Variants in APBB3 observed in about 807,000 individuals in gnomAD.
APBB3 encodes the protein amyloid beta precursor protein binding family B member 3.
APBB3 carries 50 observed loss-of-function variants against 61.5 expected under a neutral mutation model. The observed-to-expected ratio is 0.81, with a 90% confidence interval of 0.65 to 1.03. The LOEUF (loss-of-function observed/expected upper bound fraction) is 1.03, where lower values mean the gene tolerates loss of function less well. APBB3 is among the 50% of genes least tolerant of loss of function. The pLI, the probability that APBB3 is intolerant of heterozygous loss-of-function variation, is 0.00. For missense variants in APBB3, 550 were observed against 637.4 expected (o/e 0.86, Z 1.48); for synonymous variants, 235 against 233.0 (o/e 1.01, Z -0.08).
At chr5:140,562,784 C>A in intron 3 of APBB3, 61 bp from the exon 4 acceptor site, 1 of 1,547,450 alleles carries the variant, frequency 6.5e-7, no homozygotes, top group Non-Finnish European at 8.9e-7. Context: ...ACTGGTGAGG[C>A]CTAGACAACT....
In APBB3 at chr5:140,563,653, C is replaced by T; in HGVS notation, c.231G>A (p.Trp77Ter). 6.2e-7 allele frequency: 1 copy of T among 1,614,228 alleles called. No homozygotes were observed. Among genetic ancestry groups the T allele is most frequent in the South Asian group, 1.1e-5 (1 of 91,090 alleles). ...EDPGTGTEGI[W>*]GLRPPKGRSF... The stretch of plus-strand genomic sequence containing the variant: ...ATCTCCCTTTGGGGGGCCGCAGTCC[C>T]CAGATCCCCTCCGTTCCCTGTAGAG... The change falls in exon 3 of 13, where the codon TGG becomes TGA. Residue 77 changes from tryptophan (W) to a stop codon, truncating the protein, a stop_gained. Coordinates refer to ENST00000357560, the MANE Select transcript of APBB3 (RefSeq NM_133173.3). LOFTEE classifies it high-confidence loss of function.
At position 140,563,793 on chromosome 5, in the gene APBB3, G is replaced by C; in HGVS notation, c.172C>G (p.Arg58Gly). 1 of 1,614,154 alleles carries C rather than the reference G, an allele frequency of 6.2e-7. No homozygotes were observed. The highest frequency in any genetic ancestry group is 8.5e-7 in the Non-Finnish European group (1 of 1,180,032). ...GCATCTCCTAGTTCCCAGGTTGGGC[G>C]CTGCCACTGGGTGCTACCGCTGGGT... ...HVPSGSTQWQ[R>G]PTWELGDAED... The change falls in exon 2 of 13, where the codon CGC (arginine) becomes GGC (glycine). Residue 58 changes from arginine to glycine, a missense_variant. This residue lies in a region of APBB3 where 405 missense variants were observed against 483.4 expected (regional missense o/e 0.84). Coordinates refer to ENST00000357560, the MANE Select transcript of APBB3 (RefSeq NM_133173.3).
chr5:140,562,387 C>A lies in APBB3; in HGVS notation c.464G>T (p.Ser155Ile). 6.2e-7 allele frequency: 1 copy of A among 1,614,186 alleles called. No individual in the cohort carries two copies. Among genetic ancestry groups the A allele is most frequent in the Non-Finnish European group, 8.5e-7 (1 of 1,180,036 alleles). The part of the protein sequence containing the change: ...NCIQQLAQTR[S>I]RSQPPDGAWG... ...GGCACCATCTGGAGGCTGGCTCCGG[C>A]TGCGGGTCTGGGCCAGCTGCTGGAT... is the stretch of plus-strand genomic sequence containing the variant. Residue 155 changes from serine (S) to isoleucine (I), a missense_variant, in exon 5 of 13, where the codon AGC becomes ATC. Around this residue, in one of 3 missense-constraint regions of APBB3, gnomAD observed 405 missense variants for 483.4 expected, o/e 0.84. Coordinates refer to ENST00000357560, the MANE Select transcript of APBB3 (RefSeq NM_133173.3).
chr5:140,558,492 T>C lies in APBB3; in HGVS notation c.*93A>G. ...ATCGGAGGGACAGGCAGAGAAGGCTTCAAGGAGTGACAGGCTATAGGCCTT... is the reference window on the plus strand; with the variant it reads ...ATCGGAGGGACAGGCAGAGAAGGCTCCAAGGAGTGACAGGCTATAGGCCTT... On this transcript the variant is annotated 3_prime_UTR_variant, in exon 13 of 13. Transcript: ENST00000357560. 1.6e-6 allele frequency: 2 copies of C among 1,233,460 alleles called. No individual in the cohort carries two copies. The highest frequency in any genetic ancestry group is 2.4e-6 in the Non-Finnish European group (2 of 835,252). 76.4% of individuals were successfully genotyped at this position (1,233,460 alleles called of 1,614,324 possible).
At chr5:140,558,868 A>G (rs754321148) in intron 12 of APBB3, 47 bp from the exon 13 acceptor site, 11 of 1,555,604 alleles carry the variant, frequency 7.1e-6, no homozygotes, top group African/African-American at 1.4e-5. Context: ...CTGCCTCTAG[A>G]CTCCCTGAAA....
Position 140,558,445 on chromosome 5 carries a change from A to G in APBB3, c.*140T>C, listed in dbSNP as rs1754791203. ...CATCCGTATAAACAATAAATTGGGC[A>G]ATAAATAGACGGTGGACAAGGATCG... is the stretch of plus-strand genomic sequence containing the variant. On this transcript the variant is annotated 3_prime_UTR_variant, in exon 13 of 13. Coordinates refer to ENST00000357560, the MANE Select transcript of APBB3 (RefSeq NM_133173.3). The G allele has an allele frequency of 4.5e-6, 4 of 893,292 alleles. No individual in the cohort carries two copies. The highest frequency in any genetic ancestry group is 4.1e-5 in the South Asian group (3 of 73,760). 55.3% of individuals were successfully genotyped at this position (893,292 alleles called of 1,614,324 possible).
chr5:140,564,039 C>G lies in APBB3; in HGVS notation c.50-124G>C, dbSNP rs1755094632. ...TCTTAGGCTGAAGATCCAGGCTCCT[C>G]AATCTTGAAGACATCACATGTAAAG... On this transcript the variant is annotated intron_variant, in intron 1 of 12. Transcript: ENST00000357560. The surrounding 1 kb of genome is among the most constrained non-coding windows in gnomAD (Gnocchi z 5.0). 10 of 1,467,842 alleles carry G rather than the reference C, an allele frequency of 6.8e-6. No homozygotes were observed. Among genetic ancestry groups the G allele is most frequent in the Non-Finnish European group, 9.2e-6 (10 of 1,084,038 alleles). The allele number at this position is 1,467,842 out of a possible 1,614,324, so 90.9% of individuals were successfully genotyped here.
chr5:140,563,493 C>G, intron 3 of APBB3, 101 bp downstream of exon 3: 1 of 1,406,354 alleles, frequency 7.1e-7, no homozygotes, highest in Non-Finnish European at 1.0e-6. Context: ...AAACATGTGA[C>G]AGAATCCAGA....
chr5:140,564,509 G>T lies in APBB3; in HGVS notation c.-264C>A. The T allele has an allele frequency of 3.5e-6, 2 of 567,288 alleles. No homozygotes were observed. Among genetic ancestry groups the T allele is most frequent in the Non-Finnish European group, 6.2e-6 (2 of 320,874 alleles). 35.1% of individuals were successfully genotyped at this position (567,288 alleles called of 1,614,324 possible). A position where few individuals can be genotyped will look rare whatever the true frequency, so the allele number is the denominator to read the frequency against. ...TTGCGTGTTTCCGTGTGTGGGTCCG[G>T]GGGAGGCCCACGAACGCCAGCGAAA... On this transcript the variant is annotated 5_prime_UTR_variant, in exon 1 of 13. Coordinates refer to ENST00000357560, the MANE Select transcript of APBB3 (RefSeq NM_133173.3). The surrounding 1 kb of genome is among the most constrained non-coding windows in gnomAD (Gnocchi z 5.0).
Position 140,562,659 on chromosome 5 carries a change from C to T in APBB3, c.351+4G>A. The T allele has an allele frequency of 6.2e-7, 1 of 1,614,230 alleles. No individual in the cohort carries two copies. Among genetic ancestry groups the T allele is most frequent in the Non-Finnish European group, 8.5e-7 (1 of 1,180,038 alleles). On this transcript the variant is annotated splice_donor_region_variant and intron_variant, in intron 4 of 12. Coordinates refer to ENST00000357560, the MANE Select transcript of APBB3 (RefSeq NM_133173.3). ...TCCCAATGCCCTCAGGCCCAAGTCA[C>T]TACCTTAGCCCCTGGCTCCATGCTC...
chr5:140,558,375 G>A lies in APBB3; in HGVS notation c.*210C>T, dbSNP rs1000935895. ...GGGGCAAGGAACACAAGGACCCAAG[G>A]AAAGGGGAGCCAGGGTCCTACGTTG... is the stretch of plus-strand genomic sequence containing the variant. On this transcript the variant is annotated 3_prime_UTR_variant, in exon 13 of 13. Coordinates refer to ENST00000357560, the MANE Select transcript of APBB3 (RefSeq NM_133173.3). 1 of 668,010 alleles carries A rather than the reference G, an allele frequency of 1.5e-6. No homozygotes were observed. The highest frequency in any genetic ancestry group is 1.8e-5 in the African/African-American group (1 of 55,662). 41.4% of individuals were successfully genotyped at this position (668,010 alleles called of 1,614,324 possible).
At position 140,560,055 on chromosome 5, in the gene APBB3, T is replaced by C. The variant is rs532864324; in HGVS notation, c.1224+258A>G. Among the ~76,000 whole-genome samples, 13 of 152,044 alleles carry C rather than the reference T, an allele frequency of 8.6e-5. No individual in the cohort carries two copies. The highest frequency in any genetic ancestry group is 8.5e-4 in the Admixed American group (13 of 15,292). On this transcript the variant is annotated intron_variant, in intron 12 of 12. Coordinates refer to ENST00000357560, the MANE Select transcript of APBB3 (RefSeq NM_133173.3). The surrounding 1 kb of genome is among the most constrained non-coding windows in gnomAD (Gnocchi z 5.1). ...ACAACTCTGGCTGCATGCTGACACT[T>C]ACACGTGTGAACTGAGTGCCAGAGC...
rs144469802 is a variant in APBB3 at position 140,559,816 on chromosome 5, T to C, written c.1224+497A>G. The stretch of plus-strand genomic sequence containing the variant: ...CTATCTTGGCTCTATCCTAAGTGTT[T>C]TGTGAAGGCAAGGGCTGTGCCCTCT... On this transcript the variant is annotated intron_variant, in intron 12 of 12. Coordinates refer to ENST00000357560, the MANE Select transcript of APBB3 (RefSeq NM_133173.3). 5.2e-4 allele frequency among the ~76,000 whole-genome samples: 79 copies of C among 152,380 alleles called. No homozygotes were observed. In the East Asian group the frequency reaches 0.014, roughly 27 times the overall value.
chr5:140,558,307 A>C lies in APBB3; in HGVS notation c.*278T>G. 1 of 500,328 alleles carries C rather than the reference A, an allele frequency of 2.0e-6. No individual in the cohort carries two copies. The highest frequency in any genetic ancestry group is 2.2e-5 in the South Asian group (1 of 46,386). The allele number at this position is 500,328 out of a possible 1,614,324, so 31.0% of individuals were successfully genotyped here. On this transcript the variant is annotated 3_prime_UTR_variant, in exon 13 of 13. Coordinates refer to ENST00000357560, the MANE Select transcript of APBB3 (RefSeq NM_133173.3). ...GATTTTTATTTGCACTGATTTTGCT[A>C]TAAAGTGTTACTGAGGTAGAGCCAA...
At chr5:140,562,855 C>G (rs1755024512) in intron 3 of APBB3, 132 bp from the exon 4 acceptor site, 1 of 798,962 alleles carries the variant, frequency 1.3e-6, no homozygotes, top group African/African-American at 1.7e-5. Flanking sequence ...AAAACCAGAG[C>G]AGGGTAGAGC....
Position 140,561,707 on chromosome 5 carries a change from AGG to A in APBB3, c.633-8_633-7del. On this transcript the variant is annotated splice_polypyrimidine_tract_variant and splice_region_variant and intron_variant, in intron 7 of 12. Coordinates refer to ENST00000357560, the MANE Select transcript of APBB3 (RefSeq NM_133173.3). ...TTGCCACAAAAGCGAAGTCCCTAGC[AGG>A]GGCAGAGATGGGGCTGGGGTAGAAG... 6.2e-6 allele frequency: 10 copies of A among 1,614,192 alleles called. No homozygotes were observed. The highest frequency in any genetic ancestry group is 8.5e-6 in the Non-Finnish European group (10 of 1,180,028).
At position 140,564,196 on chromosome 5, in the gene APBB3, C is replaced by G. The variant is rs748544918; in HGVS notation, c.49+1G>C. 1.2e-6 allele frequency: 2 copies of G among 1,614,068 alleles called. No individual in the cohort carries two copies. Among genetic ancestry groups the G allele is most frequent in the Non-Finnish European group, 1.7e-6 (2 of 1,180,030 alleles). ...TTCCCACCGGGCCCCTCCGTGCACA[C>G]CATCGCAGTTGACCAGAATGATGGC... On this transcript the variant is annotated splice_donor_variant, in intron 1 of 12. Transcript: ENST00000357560. LOFTEE classifies it high-confidence loss of function. This position sits in a 1 kb window ranked among gnomAD's most constrained non-coding sequence, Gnocchi z 5.0.
chr5:140,563,693 T>C (rs1755075442), intron 2 of APBB3, 23 bp from the exon 3 acceptor site: 1 of 1,613,908 alleles, frequency 6.2e-7, no homozygotes, highest in Admixed American at 1.7e-5. Flanking sequence ...AGTTAGTCAG[T>C]TTAACAGCAG....
intron 8 of APBB3, 39 bp downstream of exon 8, chr5:140,561,548 C>G: frequency 6.2e-7 from 1 of 1,613,756 alleles, no homozygotes; most frequent in South Asian, 1.1e-5. Context: ...TCAGACCCAA[C>G]CCCTTACCCA....
Sources: gnomAD v4.1 joint callset for allele counts (sites outside exome capture counted in the v4.1 genomes callset) on GRCh38, gnomAD v4.1.1 for gene constraint, gnomAD v4.1.1 regional missense constraint, Gnocchi (gnomAD v3.1) non-coding constraint, MANE v1.5 for transcripts, NCBI Gene and HGNC (gene_info 2026-07-23, HGNC 2026-07-21) for gene names.